GULP1: variants seen among roughly 807,000 people sequenced by gnomAD.
The protein encoded by GULP1 is PTB domain-containing engulfment adapter protein 1.
Under a neutral mutation model 40.9 loss-of-function variants are expected in GULP1, and 19 were observed. The observed-to-expected ratio is 0.46, with a 90% CI of 0.32 to 0.68. GULP1 has a LOEUF of 0.68. GULP1 is among the 30% of genes least tolerant of loss of function. The probability of loss-of-function intolerance (pLI) is 0.03; values close to 1 mark genes in which losing one functional copy is unlikely to be tolerated. For missense variants in GULP1, 312 were observed against 362.2 expected (o/e 0.86, Z 1.12); for synonymous variants, 119 against 117.6 (o/e 1.01, Z -0.08).
At chr2:188,375,013 ATTGCTGAAGAAGGGCCT>A (rs2048119161) in intron 1 of GULP1, among the ~76,000 whole-genome samples, 1 of 152,200 alleles carries the variant, frequency 6.6e-6, no homozygotes, top group African/African-American at 2.4e-5. Flanking sequence ...AAAATGTTCG[ATTGCTGAAGAAGGGCCT>A]TCAGGCATAA....
chr2:188,562,734 C>A (rs953910896), intron 7 of GULP1, among the ~76,000 whole-genome samples: 4 of 152,128 alleles, frequency 2.6e-5, no homozygotes, highest in African/African-American at 4.8e-5. Context: ...ACAGAGTATA[C>A]TTTCCTTTTG....
chr2:188,474,299 T>A (rs1410802023), intron 2 of GULP1, among the ~76,000 whole-genome samples: 1 of 152,152 alleles, frequency 6.6e-6, no homozygotes, highest in Non-Finnish European at 1.5e-5. Flanking sequence ...AGTTCATCAC[T>A]AGGACTCACC....
intron 2 of GULP1, among the ~76,000 whole-genome samples, chr2:188,473,880 C>G (rs1289912904): frequency 6.6e-6 from 1 of 152,124 alleles, no homozygotes; most frequent in Non-Finnish European, 1.5e-5. Flanking sequence ...TGGGAATGTG[C>G]TGAGTCTCAC....
rs1172319074 is a variant in GULP1, at chr2:188,438,679, AT to A, written c.-44-38979del. Among the ~76,000 whole-genome samples, 3 of 150,698 alleles carry A rather than the reference AT, an allele frequency of 2.0e-5. 1 individual carries two copies. The highest frequency in any genetic ancestry group is 4.2e-4 in the South Asian group (2 of 4,788). On this transcript the variant is annotated intron_variant, in intron 2 of 11. Transcript: ENST00000409830. Reference sequence around the variant, plus strand: ...ATAGAATATATATATCACAAAAAAAATGTAAAGAAGGCACAAAATAAACTTG... The same window carrying A: ...ATAGAATATATATATCACAAAAAAAAGTAAAGAAGGCACAAAATAAACTTG...
chr2:188,473,123 T>C (rs529268145), intron 2 of GULP1, among the ~76,000 whole-genome samples: 1 of 152,020 alleles, frequency 6.6e-6, no homozygotes, highest in East Asian at 1.9e-4. Context: ...TCTTCTTCTT[T>C]TCTTTTTCTT....
At chr2:188,471,111 CT>C (rs2060553466) in intron 2 of GULP1, among the ~76,000 whole-genome samples, 1 of 152,134 alleles carries the variant, frequency 6.6e-6, no homozygotes, top group African/African-American at 2.4e-5. Context: ...TAGTGACCTT[CT>C]TTTTCTCCTT....
intron 1 of GULP1, among the ~76,000 whole-genome samples, chr2:188,344,355 C>T (rs992890915): frequency 2.0e-5 from 3 of 152,078 alleles, no homozygotes; most frequent in Non-Finnish European, 4.4e-5. Context: ...GTTGACACTT[C>T]GATGGAGAGA....
At chr2:188,296,661 A>G (rs1213802879) in intron 1 of GULP1, among the ~76,000 whole-genome samples, 1 of 152,104 alleles carries the variant, frequency 6.6e-6, no homozygotes, top group Non-Finnish European at 1.5e-5. Flanking sequence ...GATTTTCAGT[A>G]TATTTTGTGC....
intron 5 of GULP1, among the ~76,000 whole-genome samples, chr2:188,526,563 T>A (rs1285165719): frequency 1.3e-5 from 2 of 151,950 alleles, no homozygotes; most frequent in Admixed American, 6.6e-5. Context: ...GAGGGGAGCA[T>A]GCAAACTATA....
intron 1 of GULP1, among the ~76,000 whole-genome samples, chr2:188,324,074 A>G (rs1282020813): frequency 6.6e-6 from 1 of 152,078 alleles, no homozygotes; most frequent in East Asian, 1.9e-4. Flanking sequence ...AGCAAAATTT[A>G]GTGCTAGATA....
At chr2:188,302,779 T>C (rs1480323846) in intron 1 of GULP1, among the ~76,000 whole-genome samples, 9 of 152,172 alleles carry the variant, frequency 5.9e-5, no homozygotes, top group Non-Finnish European at 1.5e-5. Context: ...TTGGCCATCC[T>C]CAATATTTGA....
At chr2:188,586,514 G>T (rs1702403721) in intron 10 of GULP1, among the ~76,000 whole-genome samples, 1 of 152,160 alleles carries the variant, frequency 6.6e-6, no homozygotes, top group African/African-American at 2.4e-5. Context: ...ACACTAAACT[G>T]AGGAAAATAA....
chr2:188,296,725 T>C lies in GULP1; in HGVS notation c.-172+4559T>C, dbSNP rs1463217223. 2.6e-5 allele frequency among the ~76,000 whole-genome samples: 4 copies of C among 152,228 alleles called. No individual in the cohort carries two copies. The East Asian group carries it at 7.7e-4, about 29-fold the overall frequency. Reference sequence around the variant, plus strand: ...AAAGGAAGTTTTGAATAGCCTTGTATGTATTTTCTAGGATGCAACTAAGAG... The same window carrying C: ...AAAGGAAGTTTTGAATAGCCTTGTACGTATTTTCTAGGATGCAACTAAGAG... On this transcript the variant is annotated intron_variant, in intron 1 of 11. Coordinates refer to ENST00000409830, the MANE Select transcript of GULP1 (RefSeq NM_016315.4).
chr2:188,333,936 G>C (rs796824562), intron 1 of GULP1, among the ~76,000 whole-genome samples: 3 of 152,074 alleles, frequency 2.0e-5, no homozygotes, highest in African/African-American at 7.2e-5. Context: ...TCCCACATAG[G>C]CAGGGACTCC....
chr2:188,427,583 G>A (rs1192378497), intron 2 of GULP1, among the ~76,000 whole-genome samples: 3 of 152,164 alleles, frequency 2.0e-5, no homozygotes, highest in Non-Finnish European at 4.4e-5. Context: ...GTACAGCATG[G>A]GCCACTGCTT....
At chr2:188,370,663 A>G (rs562494246) in intron 1 of GULP1, among the ~76,000 whole-genome samples, 1 of 152,226 alleles carries the variant, frequency 6.6e-6, no homozygotes, top group Non-Finnish European at 1.5e-5. Flanking sequence ...GTTTTAAAAC[A>G]TAATAAAGAT....
intron 2 of GULP1, among the ~76,000 whole-genome samples, chr2:188,424,337 A>G (rs1158261914): frequency 6.6e-6 from 1 of 151,944 alleles, no homozygotes; most frequent in Non-Finnish European, 1.5e-5. Context: ...AAAAGTTTCA[A>G]GCAGGAACAA....
rs181315851 is a variant in GULP1, at chr2:188,311,351, C to T, written c.-172+19185C>T. On this transcript the variant is annotated intron_variant, in intron 1 of 11. Coordinates refer to ENST00000409830, the MANE Select transcript of GULP1 (RefSeq NM_016315.4). ...AGCTGGGACTACAGGCATGCGCCAC[C>T]GTGCCCAGCTAATTTTTGTATTTTT... Among the ~76,000 whole-genome samples, 312 of 152,244 alleles carry T rather than the reference C, an allele frequency of 2.0e-3. 1 individual carries two copies. Among genetic ancestry groups the T allele is most frequent in the African/African-American group, 7.0e-3 (292 of 41,538 alleles).
intron 2 of GULP1, among the ~76,000 whole-genome samples, chr2:188,452,987 G>A (rs1237933564): frequency 6.6e-6 from 1 of 151,388 alleles, no homozygotes; most frequent in Non-Finnish European, 1.5e-5. Flanking sequence ...AGGTATATTT[G>A]CCCTTTTTTT....
Sources: gnomAD v4.1 joint callset for allele counts (sites outside exome capture counted in the v4.1 genomes callset) on GRCh38, gnomAD v4.1.1 for gene constraint, MANE v1.5 for transcripts, NCBI Gene and HGNC (gene_info 2026-07-23, HGNC 2026-07-21) for gene names.